SUMF1: variants seen among roughly 807,000 people sequenced by gnomAD.
SUMF1 encodes the protein sulfatase modifying factor 1.
SUMF1 carries 48 observed loss-of-function variants against 47.6 expected under a neutral mutation model. That is an observed-to-expected ratio of 1.01 (90% CI 0.80 to 1.28). The LOEUF (loss-of-function observed/expected upper bound fraction) is 1.28. Among genes scored for constraint, SUMF1 ranks in the 50% most tolerant of loss-of-function variants. The pLI, the probability that SUMF1 is intolerant of heterozygous loss-of-function variation, is 0.00. For synonymous variants in SUMF1, 230 were observed against 192.1 expected, an observed-to-expected ratio of 1.20 and a Z score of -1.63; for missense variants, 571 against 485.4, an observed-to-expected ratio of 1.18 and a Z score of -1.66.
At chr3:4,202,219 AT>A (rs1559560700) in intron 8 of SUMF1, among the ~76,000 whole-genome samples, 1 of 151,646 alleles carries the variant, frequency 6.6e-6, no homozygotes. Context: ...TTTTCTTTTC[AT>A]TGTTTCATAG....
intron 8 of SUMF1, among the ~76,000 whole-genome samples, chr3:4,187,847 A>G (rs555588401): frequency 6.6e-6 from 1 of 152,314 alleles, no homozygotes; most frequent in African/African-American, 2.4e-5. Flanking sequence ...TGCCAAAATA[A>G]TGTTTTTAAT....
chr3:4,105,613 G>T (rs1693140042), intron 8 of SUMF1, among the ~76,000 whole-genome samples: 1 of 151,964 alleles, frequency 6.6e-6, no homozygotes, highest in Admixed American at 6.5e-5. Flanking sequence ...GACAGAAATA[G>T]GAATATTATT....
Position 4,339,425 on chromosome 3 carries a change from A to C in SUMF1, c.1014+36905T>G, listed in dbSNP as rs189731953. The stretch of plus-strand genomic sequence containing the variant: ...GGAAAGGAAGCAGGCTGGGCAAAGG[A>C]GGAGTTGGGCTGCAATGAAATCTCA... On this transcript the variant is annotated intron_variant and NMD_transcript_variant, in intron 8 of 12. Transcript: ENST00000448413. Among the ~76,000 whole-genome samples, 177 of 152,318 alleles carry C rather than the reference A, an allele frequency of 1.2e-3. 1 individual carries two copies. The highest frequency in any genetic ancestry group is 2.3e-3 in the South Asian group (11 of 4,830).
intron 1 of SUMF1, among the ~76,000 whole-genome samples, chr3:4,459,624 T>A (rs1287781066): frequency 2.6e-5 from 4 of 152,240 alleles, no homozygotes; most frequent in Admixed American, 2.6e-4. Flanking sequence ...ATTTGTCTAA[T>A]GTATTACTAC....
At chr3:4,407,571 T>C (rs1701414133) in intron 7 of SUMF1, among the ~76,000 whole-genome samples, 1 of 152,178 alleles carries the variant, frequency 6.6e-6, no homozygotes, top group African/African-American at 2.4e-5. Context: ...GGTATTATTG[T>C]AGGGTCAATA....
chr3:4,141,297 T>C (rs1213088890), intron 8 of SUMF1, among the ~76,000 whole-genome samples: 1 of 152,124 alleles, frequency 6.6e-6, no homozygotes, highest in Admixed American at 6.6e-5. Flanking sequence ...AGTTAGGCAT[T>C]TGTGTAAACA....
At chr3:4,453,357 C>T (rs1427206345) in intron 1 of SUMF1, among the ~76,000 whole-genome samples, 2 of 151,966 alleles carry the variant, frequency 1.3e-5, no homozygotes, top group South Asian at 2.1e-4. Flanking sequence ...GCAGAGGTAG[C>T]GAGAATATCC....
intron 8 of SUMF1, among the ~76,000 whole-genome samples, chr3:4,292,694 T>C (rs1002271980): frequency 1.3e-5 from 2 of 152,226 alleles, no homozygotes; most frequent in Admixed American, 6.5e-5. Flanking sequence ...GAACAGGTAC[T>C]GCCAGACTTC....
Position 4,456,673 on chromosome 3 carries a change from C to CATATATATACGT in SUMF1, c.271-3625_271-3624insACGTATATATAT, listed in dbSNP as rs1559312097. Among the ~76,000 whole-genome samples the CATATATATACGT allele has an allele frequency of 4.3e-4, 54 of 124,740 alleles. 1 individual carries two copies. The highest frequency in any genetic ancestry group is 1.5e-3 in the African/African-American group (47 of 32,400). 81.8% of individuals were successfully genotyped at this position (124,740 alleles called of 152,430 possible). A position where few individuals can be genotyped will look rare whatever the true frequency, so the allele number is the denominator to read the frequency against. On this transcript the variant is annotated intron_variant, in intron 1 of 8. Coordinates refer to ENST00000272902, the MANE Select transcript of SUMF1 (RefSeq NM_182760.4). ...ATATGTGTGTGTATATATATATATA[C>CATATATATACGT]GTGTATATATATATGTGTGTATATA... is the stretch of plus-strand genomic sequence containing the variant.
chr3:4,260,536 A>G lies in SUMF1; in HGVS notation c.1014+115794T>C, dbSNP rs73116001. On this transcript the variant is annotated intron_variant and NMD_transcript_variant, in intron 8 of 12. Transcript: ENST00000448413. ...CCAGCCCTGATTATCAGAGATTGGG[A>G]TAAACCTGGGCATAACGTAGATCAT... is the stretch of plus-strand genomic sequence containing the variant. Among the ~76,000 whole-genome samples the G allele has an allele frequency of 8.6e-3, 1,315 of 152,274 alleles. 19 individuals carry two copies. The highest frequency in any genetic ancestry group is 0.03 in the African/African-American group (1,257 of 41,558).
intron 8 of SUMF1, among the ~76,000 whole-genome samples, chr3:4,271,180 C>G (rs1697294707): frequency 6.6e-6 from 1 of 152,124 alleles, no homozygotes; most frequent in Non-Finnish European, 1.5e-5. Context: ...CAGTGATTTT[C>G]TTTATGAGGA....
chr3:4,096,036 A>C (rs957187041), intron 8 of SUMF1, among the ~76,000 whole-genome samples: 10 of 152,164 alleles, frequency 6.6e-5, no homozygotes, highest in African/African-American at 2.4e-4. Flanking sequence ...TCACAGGGAA[A>C]AGAGAATTAC....
chr3:4,363,304 G>C (rs1396863069), intron 8 of SUMF1, among the ~76,000 whole-genome samples: 1 of 152,054 alleles, frequency 6.6e-6, no homozygotes, highest in Non-Finnish European at 1.5e-5. Flanking sequence ...TAAACAACAA[G>C]TCTAGGAACA....
chr3:4,184,719 G>A (rs1346376135), intron 8 of SUMF1, among the ~76,000 whole-genome samples: 1 of 150,558 alleles, frequency 6.6e-6, no homozygotes, highest in Admixed American at 6.6e-5. Context: ...TGTGATCTCG[G>A]CTCACTGCAA....
chr3:4,237,143 A>G (rs1696427286), intron 8 of SUMF1, among the ~76,000 whole-genome samples: 1 of 152,106 alleles, frequency 6.6e-6, no homozygotes, highest in African/African-American at 2.4e-5. Context: ...TCATTCACCC[A>G]GTGAAGAACA....
chr3:4,198,030 C>CTT (rs11413694), intron 8 of SUMF1, among the ~76,000 whole-genome samples: 4,830 of 134,448 alleles, frequency 0.036, 126 homozygotes, highest in African/African-American at 0.049. Context: ...TTGTTTTAGG[C>CTT]TTTTTTTTTT....
intron 7 of SUMF1, among the ~76,000 whole-genome samples, chr3:4,389,974 A>G (rs1222825601): frequency 6.6e-6 from 1 of 152,124 alleles, no homozygotes; most frequent in Non-Finnish European, 1.5e-5. Context: ...GGCATCTGCT[A>G]TCTACTTAAA....
At chr3:4,273,374 A>G (rs1697341418) in intron 8 of SUMF1, among the ~76,000 whole-genome samples, 1 of 152,108 alleles carries the variant, frequency 6.6e-6, no homozygotes, top group Non-Finnish European at 1.5e-5. Context: ...ACATGCTACA[A>G]CATGAATGAA....
rs377554510 is a variant in SUMF1 at position 4,268,876 on chromosome 3, A to ATG, written c.1014+107452_1014+107453dup. On this transcript the variant is annotated intron_variant and NMD_transcript_variant, in intron 8 of 12. Transcript: ENST00000448413. ...CCTTTAAAAAAGACATTTAGAGTGA[A>ATG]TGTGTGTGTGTGTGCGTGTGTGTAT... Among the ~76,000 whole-genome samples, 473 of 151,828 alleles carry ATG rather than the reference A, an allele frequency of 3.1e-3. 3 individuals carry two copies. The highest frequency in any genetic ancestry group is 0.011 in the African/African-American group (436 of 41,466).
Sources: allele counts gnomAD v4.1 joint callset (sites outside exome capture counted in the v4.1 genomes callset), GRCh38; gene constraint gnomAD v4.1.1; transcripts MANE v1.5; gene names NCBI Gene and HGNC (gene_info 2026-07-23, HGNC 2026-07-21).